LRRC4C: variants seen among roughly 807,000 people sequenced by gnomAD.
LRRC4C encodes leucine-rich repeat-containing protein 4C.
In LRRC4C, 5 loss-of-function variants were observed where a neutral mutation model predicts 33.6. The observed-to-expected ratio is 0.15, with a 90% confidence interval of 0.08 to 0.31. The LOEUF is 0.31. LRRC4C is among the 10% of genes least tolerant of loss of function. The probability of loss-of-function intolerance (pLI) is 1.00; values close to 1 mark genes in which losing one functional copy is unlikely to be tolerated. For missense variants in LRRC4C, 560 were observed against 796.7 expected, an observed-to-expected ratio of 0.70 and a Z score of 3.58; for synonymous variants, 329 against 302.0, an observed-to-expected ratio of 1.09 and a Z score of -0.93.
At chr11:41,163,282 C>CTTTTTTTTTTTTTTTTTT (rs1207086558) in intron 1 of LRRC4C, among the ~76,000 whole-genome samples, 3 of 18,530 alleles carry the variant, frequency 1.6e-4, no homozygotes, top group African/African-American at 3.2e-4. Context: ...TTTACTGTAA[C>CTTTTTTTTTTTTTTTTTT]TGTTTTTTTT....
rs1022364842 is a variant in LRRC4C, at chr11:40,908,245, C to T, written c.-407+25390G>A. ...CTATTTAAATTGAAAACTAAAGAGA[C>T]CAACACCTGTGATAAATTTATATCA... is the stretch of plus-strand genomic sequence containing the variant. On this transcript the variant is annotated intron_variant, in intron 2 of 6. Transcript: ENST00000528697. Among the ~76,000 whole-genome samples, 3 of 152,056 alleles carry T rather than the reference C, an allele frequency of 2.0e-5. No homozygotes were observed. The East Asian group carries it at 5.8e-4, about 29-fold the overall frequency.
intron 1 of LRRC4C, among the ~76,000 whole-genome samples, chr11:41,134,661 G>A (rs1384617881): frequency 6.6e-6 from 1 of 152,148 alleles, no homozygotes; most frequent in African/African-American, 2.4e-5. Flanking sequence ...CAAACCTCTA[G>A]AGGAGGATCC....
intron 3 of LRRC4C, among the ~76,000 whole-genome samples, chr11:40,362,584 G>T (rs1434711944): frequency 5.3e-5 from 8 of 152,142 alleles, no homozygotes. Flanking sequence ...GTGAGGTGTG[G>T]TGGGGCACGA....
chr11:40,759,875 C>A (rs10768630), intron 2 of LRRC4C, among the ~76,000 whole-genome samples: 1 of 150,670 alleles, frequency 6.6e-6, no homozygotes, highest in Non-Finnish European at 1.5e-5. Flanking sequence ...AATTAGAAAA[C>A]CTATATGCAC....
chr11:41,348,733 A>G (rs773303560), intron 1 of LRRC4C, among the ~76,000 whole-genome samples: 5 of 152,178 alleles, frequency 3.3e-5, no homozygotes, highest in African/African-American at 9.6e-5. Context: ...GTTGCCAAGC[A>G]CTAGGAATCC....
chr11:40,335,859 C>T (rs1590352209), intron 3 of LRRC4C, among the ~76,000 whole-genome samples: 1 of 152,248 alleles, frequency 6.6e-6, no homozygotes, highest in South Asian at 2.1e-4. Context: ...AAACTGGATT[C>T]GAGTCTCTAC....
At chr11:41,225,357 A>T (rs1460397330) in intron 1 of LRRC4C, among the ~76,000 whole-genome samples, 1 of 152,224 alleles carries the variant, frequency 6.6e-6, no homozygotes. Flanking sequence ...CCCATTTTCC[A>T]TGATGTGATT....
chr11:40,810,122 C>A (rs1321493173), intron 2 of LRRC4C, among the ~76,000 whole-genome samples: 3 of 152,138 alleles, frequency 2.0e-5, no homozygotes, highest in African/African-American at 7.2e-5. Context: ...GGATTTCCAA[C>A]TCAACCAGTT....
intron 5 of LRRC4C, among the ~76,000 whole-genome samples, chr11:40,203,899 A>T (rs898038499): frequency 2.0e-5 from 3 of 152,142 alleles, no homozygotes. Context: ...AGGAAATCTG[A>T]GATCTTTAAG....
chr11:40,155,982 G>A (rs958427771), intron 5 of LRRC4C, among the ~76,000 whole-genome samples: 5 of 151,924 alleles, frequency 3.3e-5, no homozygotes, highest in Admixed American at 2.6e-4. Flanking sequence ...ATCCAGCAAC[G>A]TATCAAAAAG....
chr11:40,989,486 T>TAGGCCAGGA, intron 1 of LRRC4C, among the ~76,000 whole-genome samples: 1 of 152,172 alleles, frequency 6.6e-6, no homozygotes, highest in African/African-American at 2.4e-5. Flanking sequence ...ACTCCCATTT[T>TAGGCCAGGA]ACAGCCCTCA....
At chr11:40,631,145 T>C (rs1239104359) in intron 3 of LRRC4C, among the ~76,000 whole-genome samples, 1 of 152,204 alleles carries the variant, frequency 6.6e-6, no homozygotes, top group Non-Finnish European at 1.5e-5. Context: ...GAAAGCTGCT[T>C]TTGGCTTTCA....
chr11:41,307,273 A>C (rs1438656610), intron 1 of LRRC4C, among the ~76,000 whole-genome samples: 2 of 148,850 alleles, frequency 1.3e-5, no homozygotes, highest in Non-Finnish European at 3.0e-5. Flanking sequence ...TTTCTATTTC[A>C]AAAAAAAAAG....
intron 2 of LRRC4C, among the ~76,000 whole-genome samples, chr11:40,928,157 A>T (rs1957473131): frequency 6.6e-6 from 1 of 151,900 alleles, no homozygotes; most frequent in African/African-American, 2.4e-5. Context: ...AGCAATTTTC[A>T]TGGTGAAAAA....
rs199598860 is a variant in LRRC4C at position 40,329,737 on chromosome 11, C to CTT, written c.-269-10018_-269-10017dup. Reference sequence around the variant, plus strand: ...GTAGTTACTTTCTTACTTTCTTTTTCTTTTTTTTTTTTTTTTTTTTTTGAG... The same window carrying CTT: ...GTAGTTACTTTCTTACTTTCTTTTTCTTTTTTTTTTTTTTTTTTTTTTTTGAG... On this transcript the variant is annotated intron_variant, in intron 3 of 6. Transcript: ENST00000528697. Among the ~76,000 whole-genome samples the CTT allele has an allele frequency of 1.8e-3, 211 of 120,404 alleles. 3 individuals carry two copies. Among genetic ancestry groups the CTT allele is most frequent in the African/African-American group, 4.9e-3 (156 of 31,882 alleles). 79.0% of individuals were successfully genotyped at this position (120,404 alleles called of 152,430 possible).
At chr11:40,624,802 A>T (rs894223847) in intron 3 of LRRC4C, among the ~76,000 whole-genome samples, 2 of 152,164 alleles carry the variant, frequency 1.3e-5, no homozygotes, top group African/African-American at 4.8e-5. Flanking sequence ...TTTGGCCTTA[A>T]TATCAGTAAA....
chr11:41,119,983 G>GA (rs767682594), intron 1 of LRRC4C, among the ~76,000 whole-genome samples: 2 of 152,132 alleles, frequency 1.3e-5, no homozygotes, highest in Middle Eastern at 3.4e-3. Context: ...TTTTAAAGGA[G>GA]AAAAAACTGT....
intron 3 of LRRC4C, among the ~76,000 whole-genome samples, chr11:40,320,782 C>T (rs1033551371): frequency 6.6e-6 from 1 of 152,076 alleles, no homozygotes. Flanking sequence ...AATTTTCCTT[C>T]TGAGGGTATG....
At chr11:40,501,862 G>T (rs2138632031) in intron 3 of LRRC4C, among the ~76,000 whole-genome samples, 1 of 152,280 alleles carries the variant, frequency 6.6e-6, no homozygotes, top group Non-Finnish European at 1.5e-5. Flanking sequence ...TTGGAAAATA[G>T]GATTTTCTCT....
Sources: allele counts gnomAD v4.1 joint callset (sites outside exome capture counted in the v4.1 genomes callset), GRCh38; gene constraint gnomAD v4.1.1; transcripts MANE v1.5; gene names NCBI Gene and HGNC (gene_info 2026-07-23, HGNC 2026-07-21).